CNTN2: variants seen among roughly 807,000 people sequenced by gnomAD.
CNTN2 encodes the protein contactin 2, also known as contactin-2.
In CNTN2, 53 loss-of-function variants were observed where a neutral mutation model predicts 117.5. The ratio of observed to expected loss-of-function variants is 0.45; its 90% CI spans 0.36 to 0.57. The LOEUF is 0.57. Among genes scored for constraint, CNTN2 ranks in the 20% least tolerant of loss-of-function variants. The pLI is 0.00. For missense variants in CNTN2, 1,106 were observed against 1,404.3 expected (o/e 0.79, Z 3.39); for synonymous variants, 530 against 561.7 (o/e 0.94, Z 0.80).
chr1:205,064,230 T>G, intron 10 of CNTN2, 92 bp from the exon 11 acceptor site: 3 of 1,349,292 alleles, frequency 2.2e-6, no homozygotes, highest in East Asian at 2.4e-5. Context: ...CTAATAGGAG[T>G]CACTCATGGC....
intron 18 of CNTN2, 21 bp downstream of exon 18, chr1:205,070,082 C>T: frequency 6.2e-7 from 1 of 1,607,268 alleles, no homozygotes; most frequent in Non-Finnish European, 8.5e-7. Flanking sequence ...CCTGGGCCCC[C>T]TGCTCGTCCC....
intron 15 of CNTN2, 149 bp downstream of exon 15, chr1:205,066,748 G>A: frequency 1.1e-6 from 1 of 946,770 alleles, no homozygotes; most frequent in Non-Finnish European, 1.5e-6. Context: ...TGCCAGCAGA[G>A]AGCATGCAGG....
intron 1 of CNTN2, among the ~76,000 whole-genome samples, chr1:205,045,576 C>A (rs988561743): frequency 3.3e-5 from 5 of 152,174 alleles, no homozygotes; most frequent in African/African-American, 9.7e-5. Context: ...TCAGAAACCT[C>A]CTTGAGCCAA....
chr1:205,061,983 G>T lies in CNTN2; in HGVS notation c.1092G>T (p.Gly364=). The T allele has an allele frequency of 6.2e-7, 1 of 1,613,340 alleles. No individual in the cohort carries two copies. ...CTACAGTGCGCTGGCTGCGGAACGGGGAGCCTCTGGCCTCCCAGGTAGGAG... is the reference window on the plus strand; with the variant it reads ...CTACAGTGCGCTGGCTGCGGAACGGTGAGCCTCTGGCCTCCCAGGTAGGAG... The part of the protein sequence containing the change: ...PRPTVRWLRN[G]EPLASQNRVE... The change falls in exon 9 of 23, where the codon GGG becomes GGT. Residue 364 remains glycine, a synonymous_variant. Coordinates refer to ENST00000331830, the MANE Select transcript of CNTN2 (RefSeq NM_005076.5). The surrounding 1 kb of genome is among the most constrained non-coding windows in gnomAD (Gnocchi z 4.8).
At position 205,053,314 on chromosome 1, in the gene CNTN2, T is replaced by G. The variant is rs948171654; in HGVS notation, c.70+59T>G. The G allele has an allele frequency of 4.3e-6, 6 of 1,397,868 alleles. No homozygotes were observed. In the African/African-American group the frequency reaches 8.7e-5, roughly 20 times the overall value. The allele number at this position is 1,397,868 out of a possible 1,614,324, so 86.6% of individuals were successfully genotyped here. A position where few individuals can be genotyped will look rare whatever the true frequency, so the allele number is the denominator to read the frequency against. ...AGGCATGATTATAGTGTTATATCCT[T>G]GCTATGATTTGGGTGACGATTACAG... On this transcript the variant is annotated intron_variant, in intron 2 of 22. Transcript: ENST00000331830.
Position 205,058,363 on chromosome 1 carries a change from C to G in CNTN2, c.391+7C>G. ...GCCATCCTCCGCTTCGGCTGTGAGA[C>G]CCGCGGGGGACCAAGACACTTTGGG... On this transcript the variant is annotated splice_region_variant and intron_variant, in intron 4 of 22. Transcript: ENST00000331830. The surrounding 1 kb of genome is among the most constrained non-coding windows in gnomAD (Gnocchi z 4.3). The G allele has an allele frequency of 6.5e-7, 1 of 1,528,736 alleles. No homozygotes were observed. Among genetic ancestry groups the G allele is most frequent in the East Asian group, 2.3e-5 (1 of 43,988 alleles). The allele number at this position is 1,528,736 out of a possible 1,614,324, so 94.7% of individuals were successfully genotyped here. A position where few individuals can be genotyped will look rare whatever the true frequency, so the allele number is the denominator to read the frequency against.
At chr1:205,072,220 A>T in intron 20 of CNTN2, 87 bp downstream of exon 20, 3 of 1,329,986 alleles carry the variant, frequency 2.3e-6, no homozygotes, top group Non-Finnish European at 3.1e-6. Flanking sequence ...TGATAAGACA[A>T]ATGCTCTAGC....
Position 205,065,388 on chromosome 1 carries a change from C to T in CNTN2, c.1695+126C>T. The T allele has an allele frequency of 1.0e-6, 1 of 962,730 alleles. No individual in the cohort carries two copies. The highest frequency in any genetic ancestry group is 1.6e-6 in the Non-Finnish European group (1 of 643,552). 59.6% of individuals were successfully genotyped at this position (962,730 alleles called of 1,614,324 possible). A position where few individuals can be genotyped will look rare whatever the true frequency, so the allele number is the denominator to read the frequency against. ...CTAAGCGCCCCCATTCCCTCAGGCC[C>T]ACACATGGCAAGCTCATCCTTGGAT... On this transcript the variant is annotated intron_variant, in intron 13 of 22. Coordinates refer to ENST00000331830, the MANE Select transcript of CNTN2 (RefSeq NM_005076.5). This position sits in a 1 kb window ranked among gnomAD's most constrained non-coding sequence, Gnocchi z 4.1.
intron 15 of CNTN2, among the ~76,000 whole-genome samples, 179 bp from the exon 16 acceptor site, chr1:205,066,922 C>T (rs1654323329): frequency 6.6e-6 from 1 of 151,900 alleles, no homozygotes; most frequent in South Asian, 2.1e-4. Context: ...TGCAGAGGCA[C>T]CAAGATAGGG....
chr1:205,064,507 T>C lies in CNTN2; in HGVS notation c.1391+35T>C, dbSNP rs1018872003. The C allele has an allele frequency of 2.5e-6, 4 of 1,593,640 alleles. No homozygotes were observed. The African/African-American group carries it at 5.4e-5, about 21-fold the overall frequency. On this transcript the variant is annotated intron_variant, in intron 11 of 22. Coordinates refer to ENST00000331830, the MANE Select transcript of CNTN2 (RefSeq NM_005076.5). Reference sequence around the variant, plus strand: ...ACACCCCACCCTGCACAGTTCCTGCTCCTCCTCATTCTCCATGGAGGCCAA... The same window carrying C: ...ACACCCCACCCTGCACAGTTCCTGCCCCTCCTCATTCTCCATGGAGGCCAA...
At position 205,065,323 on chromosome 1, in the gene CNTN2, A is replaced by C; in HGVS notation, c.1695+61A>C. ...TCCTTCTAGAGAGACAGGGGCCCCA[A>C]GATGTCCTTAGCCATCCTCACCTTT... On this transcript the variant is annotated intron_variant, in intron 13 of 22. Transcript: ENST00000331830. This position sits in a 1 kb window ranked among gnomAD's most constrained non-coding sequence, Gnocchi z 4.1. 2 of 1,574,752 alleles carry C rather than the reference A, an allele frequency of 1.3e-6. No individual in the cohort carries two copies. The highest frequency in any genetic ancestry group is 8.7e-7 in the Non-Finnish European group (1 of 1,150,690).
At position 205,065,836 on chromosome 1, in the gene CNTN2, T is replaced by TG. The variant is rs1244186369; in HGVS notation, c.1749dup (p.Lys584GlufsTer57). On this transcript the variant is annotated frameshift_variant, in exon 14 of 23. Coordinates refer to ENST00000331830, the MANE Select transcript of CNTN2 (RefSeq NM_005076.5). LOFTEE classifies it high-confidence loss of function. This position sits in a 1 kb window ranked among gnomAD's most constrained non-coding sequence, Gnocchi z 4.1. ...CCATCCTGAACGCCCAGCTGCGCCA[T>TG]GGGGGGAAGTACACGTGCATGGCCC... 1 of 1,602,832 alleles carries TG rather than the reference T, an allele frequency of 6.2e-7. No individual in the cohort carries two copies.
In CNTN2 at chr1:205,058,081, TG is replaced by T; in HGVS notation, c.215+19del. 1 of 1,611,798 alleles carries T rather than the reference TG, an allele frequency of 6.2e-7. No homozygotes were observed. Among genetic ancestry groups the T allele is most frequent in the Admixed American group, 1.7e-5 (1 of 59,748 alleles). ...CCACCTATCGGTAAGGCCTCTGCAG[TG>T]GGTGCTGGGAGGCCCTGGGCAGCCG... On this transcript the variant is annotated intron_variant, in intron 3 of 22. Transcript: ENST00000331830. The surrounding 1 kb of genome is among the most constrained non-coding windows in gnomAD (Gnocchi z 4.3).
chr1:205,072,617 C>T, intron 21 of CNTN2, 22 bp downstream of exon 21: 1 of 1,553,848 alleles, frequency 6.4e-7, no homozygotes, highest in Non-Finnish European at 8.9e-7. Flanking sequence ...ATCAGCTAGG[C>T]CCAGAATGGG....
chr1:205,047,141 G>T (rs757978863), intron 1 of CNTN2, among the ~76,000 whole-genome samples: 6 of 152,180 alleles, frequency 3.9e-5, no homozygotes, highest in Non-Finnish European at 5.9e-5. Context: ...GCAGCTCACA[G>T]AGGGGACTAA....
At chr1:205,069,595 T>C in intron 17 of CNTN2, 34 bp downstream of exon 17, 3 of 1,599,388 alleles carry the variant, frequency 1.9e-6, no homozygotes, top group Non-Finnish European at 2.6e-6. Context: ...CTCCTCCTCC[T>C]CCCTGACCCC....
At position 205,061,104 on chromosome 1, in the gene CNTN2, C is replaced by A; in HGVS notation, c.798-141C>A. 1 of 925,408 alleles carries A rather than the reference C, an allele frequency of 1.1e-6. No homozygotes were observed. The highest frequency in any genetic ancestry group is 1.6e-6 in the Non-Finnish European group (1 of 633,448). The allele number at this position is 925,408 out of a possible 1,614,324, so 57.3% of individuals were successfully genotyped here. A position where few individuals can be genotyped will look rare whatever the true frequency, so the allele number is the denominator to read the frequency against. ...CCTGGGAGAGGAGAGTGAGGATCAG[C>A]CAGAAGGCACCCTCTCTCCCTCTGT... On this transcript the variant is annotated intron_variant, in intron 7 of 22. Transcript: ENST00000331830. The surrounding 1 kb of genome is among the most constrained non-coding windows in gnomAD (Gnocchi z 4.8).
At position 205,073,284 on chromosome 1, in the gene CNTN2, C is replaced by T; in HGVS notation, c.3013+48C>T. ...ATCCCCTCGAGAGATTCAGGATCCA[C>T]CCAGATACCTGAGAGGATCATTCCC... On this transcript the variant is annotated intron_variant, in intron 22 of 22. Transcript: ENST00000331830. The surrounding 1 kb of genome is among the most constrained non-coding windows in gnomAD (Gnocchi z 6.3). The T allele has an allele frequency of 1.3e-6, 2 of 1,592,458 alleles. No individual in the cohort carries two copies. Among genetic ancestry groups the T allele is most frequent in the Non-Finnish European group, 1.7e-6 (2 of 1,164,862 alleles).
In CNTN2 at chr1:205,058,024, GCT is replaced by G; in HGVS notation, c.175_176del (p.Leu59GlyfsTer88). 6.2e-7 allele frequency: 1 copy of G among 1,614,028 alleles called. No individual in the cohort carries two copies. The highest frequency in any genetic ancestry group is 8.5e-7 in the Non-Finnish European group (1 of 1,180,002). On this transcript the variant is annotated frameshift_variant, in exon 3 of 23. Coordinates refer to ENST00000331830, the MANE Select transcript of CNTN2 (RefSeq NM_005076.5). LOFTEE classifies it high-confidence loss of function. The surrounding 1 kb of genome is among the most constrained non-coding windows in gnomAD (Gnocchi z 4.3). ...AGGAGTCCACGGAGGAGCAGGTGTTGCTGGCATGCCGCGCCCGGGCCAGCCCT... is the reference window on the plus strand; with the variant it reads ...AGGAGTCCACGGAGGAGCAGGTGTTGGGCATGCCGCGCCCGGGCCAGCCCT... ...PEESTEEQVL[L>X]ACRARASPPA... is the part of the protein sequence containing the mutation.
Sources: allele counts gnomAD v4.1 joint callset (sites outside exome capture counted in the v4.1 genomes callset), GRCh38; gene constraint gnomAD v4.1.1; non-coding constraint Gnocchi (gnomAD v3.1); transcripts MANE v1.5; gene names NCBI Gene and HGNC (gene_info 2026-07-23, HGNC 2026-07-21).